The following MAPKAPK3 variants were observed in gnomAD, a reference collection of about 807,000 sequenced individuals.
MAPKAPK3 encodes the protein MAPK activated protein kinase 3, also known as MAP kinase-activated protein kinase 3.
Under a neutral mutation model 49.2 loss-of-function variants are expected in MAPKAPK3, and 35 were observed. The observed-to-expected ratio is 0.71, with a 90% CI of 0.54 to 0.94. The LOEUF (loss-of-function observed/expected upper bound fraction) is 0.94. MAPKAPK3 is among the 40% of genes least tolerant of loss of function. MAPKAPK3 has a pLI of 0.00. For synonymous variants in MAPKAPK3, 178 were observed against 188.7 expected (o/e 0.94, Z 0.46); for missense variants, 398 against 493.1 (o/e 0.81, Z 1.83).
chr3:50,628,891 C>G (rs1419789786), intron 2 of MAPKAPK3, among the ~76,000 whole-genome samples: 1 of 152,182 alleles, frequency 6.6e-6, no homozygotes, highest in Non-Finnish European at 1.5e-5. Context: ...ACACATTTTG[C>G]AGGAGGGACA....
intron 2 of MAPKAPK3, among the ~76,000 whole-genome samples, chr3:50,638,918 C>G (rs931330288): frequency 1.3e-5 from 2 of 152,260 alleles, no homozygotes; most frequent in African/African-American, 4.8e-5. Flanking sequence ...CCCAGCCCTC[C>G]TCCATTAGGA....
At chr3:50,627,695 G>C (rs2032796609) in intron 2 of MAPKAPK3, among the ~76,000 whole-genome samples, 1 of 152,162 alleles carries the variant, frequency 6.6e-6, no homozygotes, top group Non-Finnish European at 1.5e-5. Context: ...GTCCCCTAGA[G>C]GGCAGGGCCT....
At chr3:50,614,875 T>G (rs939056064), upstream of MAPKAPK3, among the ~76,000 whole-genome samples, 3 of 152,218 alleles carry the variant, frequency 2.0e-5, no homozygotes, top group Non-Finnish European at 4.4e-5. Flanking sequence ...GCAGCACCTT[T>G]GCCTTACTTT....
In MAPKAPK3 at chr3:50,648,017, T is replaced by C; in HGVS notation, c.1120T>C (p.Ser374Pro). 2 of 1,613,730 alleles carry C rather than the reference T, an allele frequency of 1.2e-6. No homozygotes were observed. The highest frequency in any genetic ancestry group is 1.7e-6 in the Non-Finnish European group (2 of 1,179,956). Residue 374 changes from serine to proline, a missense_variant, in exon 11 of 11, where the codon TCT becomes CCT. By Grantham distance (74) the Ser-to-Pro change is moderately conservative. This residue lies in a region of MAPKAPK3 where 152 missense variants were observed against 177.3 expected (regional missense o/e 0.86). Transcript: ENST00000621469. Reference sequence around the variant, plus strand: ...GAGAAAAAAGCAGGCAGGCAGCTCCTCTGCCTCACAGGGCTGCAACAACCA... The same window carrying C: ...GAGAAAAAAGCAGGCAGGCAGCTCCCCTGCCTCACAGGGCTGCAACAACCA... ...KRRKKQAGSSSASQGCNNQ is the reference protein window; with the variant it reads ...KRRKKQAGSSPASQGCNNQ
At position 50,647,127 on chromosome 3, in the gene MAPKAPK3, C is replaced by T. The variant is rs764674138; in HGVS notation, c.920C>T (p.Ser307Leu). Residue 307 changes from serine to leucine, a missense_variant, in exon 10 of 11, where the codon TCG becomes TTG. By Grantham distance (145) the Ser-to-Leu change is moderately radical. Around this residue, in one of 5 missense-constraint regions of MAPKAPK3, gnomAD observed 152 missense variants for 177.3 expected, o/e 0.86. Transcript: ENST00000621469. The part of the protein sequence containing the change: ...QFMNHPWINQ[S>L]MVVPQTPLHT... ...CGGGCGTGGGGCTCCTTCCAGCAAT[C>T]GATGGTAGTGCCACAGACCCCACTC... is the stretch of plus-strand genomic sequence containing the variant. 20 of 1,581,326 alleles carry T rather than the reference C, an allele frequency of 1.3e-5. No individual in the cohort carries two copies. The highest frequency in any genetic ancestry group is 1.2e-4 in the East Asian group (5 of 43,290).
rs2033274232 is a variant in MAPKAPK3, at chr3:50,645,723, G to A, written c.642G>A (p.Leu214=). ...YTPYYVAPEV[L]GPEKYDKSCD... The stretch of plus-strand genomic sequence containing the variant: ...CTGCCCTGGCAGCCCCTGAGGTCCT[G>A]GGTCCAGAGAAGTATGACAAGTCAT... The change falls in exon 7 of 11, where the codon CTG becomes CTA. Residue 214 remains leucine (L), a synonymous_variant. Coordinates refer to ENST00000621469, the MANE Select transcript of MAPKAPK3 (RefSeq NM_001243925.2). 1 of 1,613,942 alleles carries A rather than the reference G, an allele frequency of 6.2e-7. No individual in the cohort carries two copies. Among genetic ancestry groups the A allele is most frequent in the African/African-American group, 1.3e-5 (1 of 74,906 alleles).
intron 2 of MAPKAPK3, among the ~76,000 whole-genome samples, chr3:50,621,145 T>C (rs937444759): frequency 1.3e-5 from 2 of 152,200 alleles, no homozygotes; most frequent in African/African-American, 2.4e-5. Flanking sequence ...GAAGTGACCA[T>C]GGCACTTAGT....
chr3:50,647,348 A>G, intron 10 of MAPKAPK3, 145 bp downstream of exon 10: 1 of 658,256 alleles, frequency 1.5e-6, no homozygotes, highest in Non-Finnish European at 2.7e-6. Flanking sequence ...CAGTGGTCCA[A>G]CCATGGCACT....
chr3:50,637,618 C>T (rs1399192700), intron 2 of MAPKAPK3, among the ~76,000 whole-genome samples: 1 of 128,974 alleles, frequency 7.8e-6, no homozygotes, highest in Non-Finnish European at 1.6e-5. Context: ...GGTGACAGAG[C>T]AAGACTCTGT....
intron 1 of MAPKAPK3, 25 bp from the exon 2 acceptor site, chr3:50,617,489 G>A: frequency 1.4e-6 from 1 of 724,416 alleles, no homozygotes. Flanking sequence ...GTCTGGGCGG[G>A]ACTCACTCTT....
chr3:50,615,176 CAG>C (rs1252947022), upstream of MAPKAPK3, among the ~76,000 whole-genome samples: 1 of 152,192 alleles, frequency 6.6e-6, no homozygotes, highest in African/African-American at 2.4e-5. Flanking sequence ...CTTCAGAGAG[CAG>C]AGAGCCTTCT....
rs533747099 is a variant in MAPKAPK3, at chr3:50,624,895, G to A, written c.219+7111G>A. Among the ~76,000 whole-genome samples the A allele has an allele frequency of 9.2e-5, 14 of 152,278 alleles. No individual in the cohort carries two copies. In the South Asian group the frequency reaches 2.7e-3, roughly 29 times the overall value. ...TGGAGAGCTGGCTCTGCTGCTCTCA[G>A]GACAGTGAGACCATGGCTCCTGTGA... is the stretch of plus-strand genomic sequence containing the variant. On this transcript the variant is annotated intron_variant, in intron 2 of 10. Transcript: ENST00000621469.
rs183396526 is a variant in MAPKAPK3 at position 50,646,179 on chromosome 3, G to A, written c.744G>A (p.Gln248=). Residue 248 remains glutamine (Q), a synonymous_variant, in exon 8 of 11, where the codon CAG becomes CAA. Transcript: ENST00000621469. ...GFPPFYSNTG[Q]AISPGMKRRI... is the part of the protein sequence containing the mutation. ...CACCCTTCTACTCCAACACGGGCCA[G>A]GCCATCTCCCCGGGGATGAAGAGGA... is the stretch of plus-strand genomic sequence containing the variant. The A allele has an allele frequency of 3.3e-5, 54 of 1,614,114 alleles. No homozygotes were observed. In the Admixed American group the frequency reaches 8.0e-4, roughly 24 times the overall value.
chr3:50,625,414 G>A (rs71326939), intron 2 of MAPKAPK3, among the ~76,000 whole-genome samples: 4,698 of 152,212 alleles, frequency 0.031, 109 homozygotes, highest in Middle Eastern at 0.11. Context: ...CCTCCTGCCC[G>A]TTTGGAACTA....
rs543976147 is a variant in MAPKAPK3, at chr3:50,640,638, T to A, written c.359+133T>A. On this transcript the variant is annotated intron_variant, in intron 3 of 10. Coordinates refer to ENST00000621469, the MANE Select transcript of MAPKAPK3 (RefSeq NM_001243925.2). ...TGCCACTGTAGCCCCTGAGGGGCAA[T>A]GGAGCAGGCAGCCGCAGGCCCTGCC... 15 of 1,134,062 alleles carry A rather than the reference T, an allele frequency of 1.3e-5. No individual in the cohort carries two copies. The African/African-American group carries it at 2.2e-4, about 16-fold the overall frequency. 70.2% of individuals were successfully genotyped at this position (1,134,062 alleles called of 1,614,324 possible). A position where few individuals can be genotyped will look rare whatever the true frequency, so the allele number is the denominator to read the frequency against.
At chr3:50,641,484 G>A (rs1044143866) in intron 3 of MAPKAPK3, among the ~76,000 whole-genome samples, 1 of 152,164 alleles carries the variant, frequency 6.6e-6, no homozygotes, top group African/African-American at 2.4e-5. Flanking sequence ...AGGGATCAGA[G>A]CCCACCACCC....
intron 2 of MAPKAPK3, among the ~76,000 whole-genome samples, chr3:50,637,772 A>G (rs1003098262): frequency 1.3e-5 from 2 of 152,098 alleles, no homozygotes; most frequent in African/African-American, 4.8e-5. Context: ...TGAGCCCTGA[A>G]GTTTCCCCAA....
intron 2 of MAPKAPK3, among the ~76,000 whole-genome samples, chr3:50,625,835 G>A (rs916605519): frequency 1.3e-5 from 2 of 152,142 alleles, no homozygotes; most frequent in African/African-American, 2.4e-5. Flanking sequence ...GAGGGCAGGC[G>A]GAGGACAGAG....
rs11303604 is a variant in MAPKAPK3, at chr3:50,643,110, GA to G, written c.504+782del. Among the ~76,000 whole-genome samples the G allele has an allele frequency of 6.5e-3, 986 of 152,268 alleles. 15 individuals are homozygous for G. Among genetic ancestry groups the G allele is most frequent in the African/African-American group, 0.021 (881 of 41,538 alleles). ...TAGGTAATCCGCCCGCCTCGGCCTCGAAAAGTGCTGGGATTACAGGCGTGAG... is the reference window on the plus strand; with the variant it reads ...TAGGTAATCCGCCCGCCTCGGCCTCGAAAGTGCTGGGATTACAGGCGTGAG... On this transcript the variant is annotated intron_variant, in intron 5 of 10. Transcript: ENST00000621469.
Sources: gnomAD v4.1 joint callset for allele counts (sites outside exome capture counted in the v4.1 genomes callset) on GRCh38, gnomAD v4.1.1 for gene constraint, gnomAD v4.1.1 regional missense constraint, MANE v1.5 for transcripts, NCBI Gene and HGNC (gene_info 2026-07-23, HGNC 2026-07-21) for gene names.